Variants in CSMD1 observed in about 807,000 individuals in gnomAD.
CSMD1 encodes the protein CUB and sushi domain-containing protein 1.
A neutral mutation model predicts 417.5 loss-of-function variants in CSMD1; 213 were observed. The observed-to-expected ratio is 0.51, with a 90% CI of 0.46 to 0.57. The LOEUF is 0.57. Ranked by LOEUF, CSMD1 falls within the 20% of genes least tolerant of loss-of-function variation. The pLI, the probability that CSMD1 is intolerant of heterozygous loss-of-function variation, is 0.00. For synonymous variants in CSMD1, 2,862 were observed against 1,736.8 expected, an observed-to-expected ratio of 1.65 and a Z score of -16.11; for missense variants, 6,923 against 4,529.7, an observed-to-expected ratio of 1.53 and a Z score of -15.17.
intron 1 of CSMD1, among the ~76,000 whole-genome samples, chr8:4,701,317 CTT>C (rs5889050): frequency 2.8e-5 from 4 of 143,186 alleles, no homozygotes; most frequent in Non-Finnish European, 3.0e-5. Flanking sequence ...TCCTTTGATG[CTT>C]TTTTTTTTTT....
chr8:4,332,967 C>T (rs10105113), intron 3 of CSMD1, among the ~76,000 whole-genome samples: 58,482 of 150,162 alleles, frequency 0.39, 13,434 homozygotes, highest in African/African-American at 0.65. Context: ...ACTAAGATTT[C>T]TGCCTTCAGT....
chr8:4,782,380 T>G (rs1469558707), intron 1 of CSMD1, among the ~76,000 whole-genome samples: 1 of 152,202 alleles, frequency 6.6e-6, no homozygotes, highest in Non-Finnish European at 1.5e-5. Flanking sequence ...ATATGTACAA[T>G]TATTATGTAG....
intron 11 of CSMD1, among the ~76,000 whole-genome samples, chr8:3,480,911 C>G (rs559216126): frequency 6.6e-6 from 1 of 151,964 alleles, no homozygotes; most frequent in South Asian, 2.1e-4. Flanking sequence ...AATCCCAGCA[C>G]TTTGGGAGGC....
At chr8:3,490,322 T>G (rs886506310) in intron 11 of CSMD1, among the ~76,000 whole-genome samples, 1 of 152,228 alleles carries the variant, frequency 6.6e-6, no homozygotes, top group Non-Finnish European at 1.5e-5. Context: ...TCTGTCAATG[T>G]AATACATAGT....
intron 1 of CSMD1, among the ~76,000 whole-genome samples, chr8:4,673,673 C>T (rs1295897792): frequency 6.6e-6 from 1 of 152,126 alleles, no homozygotes; most frequent in Non-Finnish European, 1.5e-5. Context: ...TCTGCTAATG[C>T]TTCCTCAACA....
At chr8:3,482,212 A>G (rs962668811) in intron 11 of CSMD1, among the ~76,000 whole-genome samples, 5 of 152,214 alleles carry the variant, frequency 3.3e-5, no homozygotes, top group African/African-American at 1.2e-4. Flanking sequence ...AATGGTCTAG[A>G]TATGCCACTG....
chr8:3,820,398 G>T (rs769310579), intron 5 of CSMD1, among the ~76,000 whole-genome samples: 4 of 152,156 alleles, frequency 2.6e-5, no homozygotes, highest in Non-Finnish European at 5.9e-5. Flanking sequence ...GACTAAAAGT[G>T]AGTCATATAC....
intron 2 of CSMD1, among the ~76,000 whole-genome samples, chr8:4,576,055 C>T (rs777011501): frequency 1.1e-4 from 16 of 152,240 alleles, no homozygotes; most frequent in Non-Finnish European, 2.1e-4. Context: ...TCAACATCCA[C>T]TCTTCTCTCA....
chr8:2,985,922 AAGGGG>A (rs1029148029), intron 54 of CSMD1, among the ~76,000 whole-genome samples: 5 of 130,866 alleles, frequency 3.8e-5, no homozygotes, highest in Non-Finnish European at 6.4e-5. Context: ...AAGGGAAGGG[AAGGGG>A]AGGGGAGGGA....
chr8:4,319,101 G>C (rs1799111567), intron 3 of CSMD1, among the ~76,000 whole-genome samples: 2 of 152,104 alleles, frequency 1.3e-5, no homozygotes, highest in African/African-American at 4.8e-5. Flanking sequence ...CATGCACATA[G>C]TAACAAAGTA....
intron 3 of CSMD1, among the ~76,000 whole-genome samples, chr8:4,138,235 A>G (rs117237497): frequency 0.092 from 7,210 of 78,778 alleles, 2,225 homozygotes; most frequent in Non-Finnish European, 0.16. Flanking sequence ...TCAGGTCTCT[A>G]ACTGATGGGT....
intron 38 of CSMD1, among the ~76,000 whole-genome samples, chr8:3,159,016 A>G (rs564126599): frequency 6.6e-6 from 1 of 152,206 alleles, no homozygotes; most frequent in African/African-American, 2.4e-5. Context: ...TGATATTTTT[A>G]AAAGTAGTTA....
Position 3,142,557 on chromosome 8 carries a change from G to A in CSMD1, c.6149C>T (p.Pro2050Leu). Residue 2050 changes from proline (P) to leucine (L), a missense_variant, in exon 41 of 70, where the codon CCC (proline) becomes CTC (leucine). Physicochemically the swap from Pro to Leu is moderately conservative, Grantham distance 98 (BLOSUM62 -3). Transcript: ENST00000635120. ...MIGQFSGTDLPAALLSTTHET... is the reference protein window; with the variant it reads ...MIGQFSGTDLLAALLSTTHET... ...ATGCGTTGTGCTCAGCAGGGCCGCG[G>A]GGAGATCCGTGCCGCTAAATTGTCC... 1 of 1,613,986 alleles carries A rather than the reference G, an allele frequency of 6.2e-7. No homozygotes were observed. Among genetic ancestry groups the A allele is most frequent in the Non-Finnish European group, 8.5e-7 (1 of 1,179,894 alleles).
intron 5 of CSMD1, among the ~76,000 whole-genome samples, chr8:3,832,409 A>C (rs1802428955): frequency 6.6e-6 from 1 of 152,180 alleles, no homozygotes; most frequent in Non-Finnish European, 1.5e-5. Flanking sequence ...ATTTTAAACT[A>C]CTATATTTCT....
intron 2 of CSMD1, among the ~76,000 whole-genome samples, chr8:4,529,986 C>A (rs1397540726): frequency 2.6e-5 from 4 of 151,992 alleles, no homozygotes. Flanking sequence ...GAGATCCCGG[C>A]TCACTGCAAG....
intron 5 of CSMD1, chr8:3,950,053 C>A: frequency 2.2e-6 from 1 of 454,622 alleles, no homozygotes; most frequent in Non-Finnish European, 4.4e-6. Flanking sequence ...ACGCTACAGA[C>A]AGGACTGAGT....
At chr8:2,939,959 G>A (rs1801751868) in intron 69 of CSMD1, among the ~76,000 whole-genome samples, 1 of 152,044 alleles carries the variant, frequency 6.6e-6, no homozygotes, top group Non-Finnish European at 1.5e-5. Context: ...GGAACTGGCT[G>A]CAGCTGGATG....
At chr8:4,664,409 A>T (rs1268116470) in intron 1 of CSMD1, among the ~76,000 whole-genome samples, 5 of 151,900 alleles carry the variant, frequency 3.3e-5, no homozygotes, top group African/African-American at 4.8e-5. Context: ...TAGAAACGAA[A>T]ATTGAATGTT....
chr8:3,654,473 G>C (rs1177641467), intron 7 of CSMD1, among the ~76,000 whole-genome samples: 2 of 152,132 alleles, frequency 1.3e-5, no homozygotes, highest in African/African-American at 2.4e-5. Context: ...GGGTACACAG[G>C]AGCTTTTAAA....
Sources: allele counts gnomAD v4.1 joint callset (sites outside exome capture counted in the v4.1 genomes callset), GRCh38; gene constraint gnomAD v4.1.1; transcripts MANE v1.5; gene names NCBI Gene and HGNC (gene_info 2026-07-23, HGNC 2026-07-21).